The following ABHD12 variants were observed in gnomAD, a reference collection of about 807,000 sequenced individuals.
ABHD12 encodes the protein lysophosphatidylserine lipase ABHD12.
In ABHD12, 43 loss-of-function variants were observed where a neutral mutation model predicts 58.3. That is an observed-to-expected ratio of 0.74 (90% CI 0.58 to 0.95). The LOEUF is 0.95. Among genes scored for constraint, ABHD12 ranks in the 40% least tolerant of loss-of-function variants. ABHD12 has a pLI of 0.00. For synonymous variants in ABHD12, 219 were observed against 211.2 expected, an observed-to-expected ratio of 1.04 and a Z score of -0.32; for missense variants, 539 against 537.2, an observed-to-expected ratio of 1.00 and a Z score of -0.03.
downstream of ABHD12, among the ~76,000 whole-genome samples, chr20:25,298,208 A>G (rs1041433296): frequency 6.6e-6 from 1 of 152,158 alleles, no homozygotes; most frequent in African/African-American, 2.4e-5. Flanking sequence ...TGAGGGCAGA[A>G]AAGTTTGCAT....
chr20:25,300,700 T>C lies in ABHD12; in HGVS notation c.*145A>G. 3 of 1,547,396 alleles carry C rather than the reference T, an allele frequency of 1.9e-6. No homozygotes were observed. The highest frequency in any genetic ancestry group is 2.6e-6 in the Non-Finnish European group (3 of 1,150,326). ...GCAGGCCTGCAGGGGCCTCCCCGCC[T>C]GGGATCTGAGGTGCTCTCCAGGTGC... On this transcript the variant is annotated 3_prime_UTR_variant, in exon 13 of 13. Transcript: ENST00000339157.
chr20:25,301,164 A>C (rs2088629213), intron 12 of ABHD12, among the ~76,000 whole-genome samples: 1 of 152,192 alleles, frequency 6.6e-6, no homozygotes, highest in Admixed American at 6.5e-5. Context: ...TTTTCTACAC[A>C]TATCTTCCTT....
intron 1 of ABHD12, among the ~76,000 whole-genome samples, chr20:25,357,782 A>G (rs1473152552): frequency 6.6e-6 from 1 of 152,154 alleles, no homozygotes; most frequent in Non-Finnish European, 1.5e-5. Context: ...AGGACAAGGC[A>G]GGAGGATCAC....
chr20:25,355,887 T>A (rs1194300351), intron 1 of ABHD12, among the ~76,000 whole-genome samples: 2 of 152,236 alleles, frequency 1.3e-5, no homozygotes, highest in African/African-American at 2.4e-5. Flanking sequence ...AAAAAAAGTT[T>A]CACTGCATGC....
At chr20:25,321,492 T>C (rs117035759) in intron 3 of ABHD12, among the ~76,000 whole-genome samples, 9 of 152,348 alleles carry the variant, frequency 5.9e-5, no homozygotes, top group East Asian at 5.8e-4. Context: ...CCCAATGTCA[T>C]TGTGACTGCC....
At chr20:25,322,381 A>ATATATTTTTTTTTTTT in intron 3 of ABHD12, among the ~76,000 whole-genome samples, 2 of 59,284 alleles carry the variant, frequency 3.4e-5, no homozygotes, top group African/African-American at 1.7e-4. Context: ...ATATATATAT[A>ATATATTTTTTTTTTTT]TTTTTTTTTT....
At chr20:25,312,758 C>T (rs1303574960) in intron 6 of ABHD12, among the ~76,000 whole-genome samples, 3 of 151,448 alleles carry the variant, frequency 2.0e-5, no homozygotes, top group Non-Finnish European at 4.4e-5. Flanking sequence ...GGCCGCCCAT[C>T]GTCTGAGATG....
chr20:25,336,715 C>A (rs1460205501), intron 2 of ABHD12, among the ~76,000 whole-genome samples: 1 of 152,234 alleles, frequency 6.6e-6, no homozygotes, highest in Non-Finnish European at 1.5e-5. Context: ...CCTCTGAAGA[C>A]TGCCTTTCCT....
chr20:25,384,838 C>G (rs1253188403), intron 1 of ABHD12, among the ~76,000 whole-genome samples: 1 of 152,218 alleles, frequency 6.6e-6, no homozygotes, highest in Admixed American at 6.5e-5. Flanking sequence ...TCCTGCCAGG[C>G]AGCAACAGGA....
At position 25,300,366 on chromosome 20, in the gene ABHD12, AGCAGGTACAC is replaced by A; in HGVS notation, c.*469_*478del. The A allele has an allele frequency of 9.4e-7, 1 of 1,059,922 alleles. No individual in the cohort carries two copies. The highest frequency in any genetic ancestry group is 1.7e-5 in the African/African-American group (1 of 60,326). 65.7% of individuals were successfully genotyped at this position (1,059,922 alleles called of 1,614,324 possible). Reference sequence around the variant, plus strand: ...GGAGGTGGGGCAGCTGAGAAAGGCAAGCAGGTACACAGGGCAGGAGGGGACGATGGAACCA... The same window carrying A: ...GGAGGTGGGGCAGCTGAGAAAGGCAAAGGGCAGGAGGGGACGATGGAACCA... On this transcript the variant is annotated 3_prime_UTR_variant, in exon 13 of 13. Transcript: ENST00000339157.
At chr20:25,311,588 A>G (rs575318202) in intron 6 of ABHD12, among the ~76,000 whole-genome samples, 8 of 152,184 alleles carry the variant, frequency 5.3e-5, no homozygotes, top group Non-Finnish European at 8.8e-5. Context: ...TGTCCCTCCC[A>G]TATCTCCTCT....
intron 2 of ABHD12, among the ~76,000 whole-genome samples, chr20:25,337,164 G>A (rs1389752797): frequency 1.3e-5 from 2 of 152,184 alleles, no homozygotes; most frequent in Non-Finnish European, 2.9e-5. Flanking sequence ...AACTCAGGAG[G>A]CTAAGGTGGG....
intron 7 of ABHD12, among the ~76,000 whole-genome samples, chr20:25,308,814 C>T (rs1215074379): frequency 3.3e-5 from 5 of 152,240 alleles, no homozygotes; most frequent in African/African-American, 1.2e-4. Flanking sequence ...GCCTGCACCT[C>T]TCCTGGAGCC....
At chr20:25,374,142 T>C (rs1259806992) in intron 1 of ABHD12, among the ~76,000 whole-genome samples, 1 of 151,670 alleles carries the variant, frequency 6.6e-6, no homozygotes, top group Admixed American at 6.6e-5. Flanking sequence ...CCCAGGCTGG[T>C]CTCAGATTCC....
At chr20:25,303,320 A>G in intron 11 of ABHD12, 1 of 1,424,194 alleles carries the variant, frequency 7.0e-7, no homozygotes, top group South Asian at 1.4e-5. Context: ...AGACAGCATC[A>G]GTGGGCCCCT....
rs1452995947 is a variant in ABHD12 at position 25,336,574 on chromosome 20, C to G, written c.316+2653G>C. On this transcript the variant is annotated intron_variant, in intron 2 of 12. Coordinates refer to ENST00000339157, the MANE Select transcript of ABHD12 (RefSeq NM_001042472.3). ...TGTCTGGGCACAAGAGCAGAGGCACCTCCCCAACAAAATTCCAAATCACTG... is the reference window on the plus strand; with the variant it reads ...TGTCTGGGCACAAGAGCAGAGGCACGTCCCCAACAAAATTCCAAATCACTG... 2.0e-5 allele frequency among the ~76,000 whole-genome samples: 3 copies of G among 152,188 alleles called. No individual in the cohort carries two copies. The South Asian group carries it at 6.2e-4, about 32-fold the overall frequency.
At chr20:25,389,934 G>C (rs2090146604) in intron 1 of ABHD12, 1 of 152,334 alleles carries the variant, frequency 6.6e-6, no homozygotes, top group Non-Finnish European at 1.5e-5. Context: ...ACCGGGGAGA[G>C]CCGCCGAGGG....
At chr20:25,348,391 A>G (rs2089549259) in intron 1 of ABHD12, among the ~76,000 whole-genome samples, 1 of 150,620 alleles carries the variant, frequency 6.6e-6, no homozygotes, top group Non-Finnish European at 1.5e-5. Context: ...AAAGAATACT[A>G]TGTACTTTGC....
chr20:25,321,528 G>A (rs116097517), intron 3 of ABHD12, among the ~76,000 whole-genome samples: 1,937 of 152,334 alleles, frequency 0.013, 42 homozygotes, highest in African/African-American at 0.044. Context: ...GGCAGCAGCC[G>A]CACTCACCAA....
Sources: allele counts gnomAD v4.1 joint callset (sites outside exome capture counted in the v4.1 genomes callset), GRCh38; gene constraint gnomAD v4.1.1; transcripts MANE v1.5; gene names NCBI Gene and HGNC (gene_info 2026-07-23, HGNC 2026-07-21).